Variants in LRRCC1 observed in about 807,000 individuals in gnomAD.
LRRCC1 encodes the protein leucine rich repeat and coiled-coil centrosomal protein 1.
A neutral mutation model predicts 126.0 loss-of-function variants in LRRCC1; 115 were observed. The observed-to-expected ratio is 0.91, with a 90% CI of 0.78 to 1.07. The LOEUF is 1.07. Among genes scored for constraint, LRRCC1 ranks in the 50% least tolerant of loss-of-function variants. The probability of loss-of-function intolerance (pLI) is 0.00; values close to 1 mark genes in which losing one functional copy is unlikely to be tolerated. For missense variants in LRRCC1, 1,172 were observed against 1,175.7 expected, an observed-to-expected ratio of 1.00 and a Z score of 0.05; for synonymous variants, 400 against 393.4, an observed-to-expected ratio of 1.02 and a Z score of -0.20.
Position 85,123,443 on chromosome 8 carries a change from A to G in LRRCC1, c.961A>G (p.Lys321Glu), listed in dbSNP as rs1387626982. ...TAATTCAATAGATAACGTTCTTGAG[A>G]AAGACCCCAGACCAAAAAGAGACAC... ...TSNSIDNVLE[K>E]DPRPKRDTDI... is the part of the protein sequence containing the mutation. The change falls in exon 7 of 19, where the codon AAA becomes GAA. Residue 321 changes from lysine to glutamate, a missense_variant. Transcript: ENST00000360375. 1.9e-6 allele frequency: 3 copies of G among 1,599,792 alleles called. No homozygotes were observed. Among genetic ancestry groups the G allele is most frequent in the African/African-American group, 2.7e-5 (2 of 73,922 alleles).
In LRRCC1 at chr8:85,132,948, C is replaced by A. The variant is rs560461004; in HGVS notation, c.1968+987C>A. 7.2e-5 allele frequency among the ~76,000 whole-genome samples: 11 copies of A among 152,312 alleles called. No individual in the cohort carries two copies. The South Asian group carries it at 2.1e-3, about 29-fold the overall frequency. On this transcript the variant is annotated intron_variant, in intron 12 of 18. Transcript: ENST00000360375. ...ATATTGGATCATTCCCTTCAGCATA[C>A]AAACATGCTGTGATTTCTCTTATCT...
chr8:85,115,810 A>G (rs918335876), intron 6 of LRRCC1, among the ~76,000 whole-genome samples: 2 of 152,186 alleles, frequency 1.3e-5, no homozygotes, highest in South Asian at 2.1e-4. Flanking sequence ...CATCTTCATT[A>G]TGTAATTTCT....
chr8:85,128,407 T>C (rs932244667), intron 9 of LRRCC1, among the ~76,000 whole-genome samples: 5 of 151,410 alleles, frequency 3.3e-5, no homozygotes, highest in African/African-American at 9.7e-5. Context: ...TGATTCTTCT[T>C]TTATCTGTGC....
chr8:85,115,110 A>C lies in LRRCC1; in HGVS notation c.555A>C (p.Ala185=), dbSNP rs1809006728. 6.2e-7 allele frequency: 1 copy of C among 1,600,762 alleles called. No individual in the cohort carries two copies. The highest frequency in any genetic ancestry group is 1.4e-5 in the African/African-American group (1 of 73,684). Residue 185 remains alanine, a synonymous_variant, in exon 5 of 19, where the codon GCA becomes GCC. Coordinates refer to ENST00000360375, the MANE Select transcript of LRRCC1 (RefSeq NM_033402.5). ...NPVCRLPGYR[A]VILQTLPQLR... The stretch of plus-strand genomic sequence containing the variant: ...TGATTTGTTTCCAAGGGTACAGAGC[A>C]GTTATTCTCCAGACTTTGCCACAGC...
chr8:85,144,629 T>C (rs541109318), intron 18 of LRRCC1, among the ~76,000 whole-genome samples: 84 of 147,618 alleles, frequency 5.7e-4, no homozygotes, highest in Middle Eastern at 7.2e-3. Flanking sequence ...CACACCTGGC[T>C]AATTTTGTAT....
At position 85,145,742 on chromosome 8, in the gene LRRCC1, A is replaced by C; in HGVS notation, c.*231A>C. ...AAAAACTATCATAACTAGACTTACAATATTTTTCTTGTTTCTGTACTATAC... is the reference window on the plus strand; with the variant it reads ...AAAAACTATCATAACTAGACTTACACTATTTTTCTTGTTTCTGTACTATAC... On this transcript the variant is annotated 3_prime_UTR_variant, in exon 19 of 19. Transcript: ENST00000360375. 3.8e-6 allele frequency: 1 copy of C among 263,930 alleles called. No individual in the cohort carries two copies. 16.3% of individuals were successfully genotyped at this position (263,930 alleles called of 1,614,324 possible).
intron 17 of LRRCC1, 125 bp downstream of exon 17, chr8:85,138,600 AT>A: frequency 1.0e-6 from 1 of 982,984 alleles, no homozygotes; most frequent in South Asian, 1.8e-5. Context: ...CAAGAAGTTT[AT>A]TTCCATTTCA....
rs767628804 is a variant in LRRCC1, at chr8:85,115,384, A to G, written c.730A>G (p.Arg244Gly). The G allele has an allele frequency of 6.2e-7, 1 of 1,612,524 alleles. No homozygotes were observed. The highest frequency in any genetic ancestry group is 2.2e-5 in the East Asian group (1 of 44,840). Residue 244 changes from arginine (R) to glycine (G), a missense_variant, in exon 6 of 19, where the codon AGA (arginine) becomes GGA (glycine). By Grantham distance (125) the Arg-to-Gly change is moderately radical. Coordinates refer to ENST00000360375, the MANE Select transcript of LRRCC1 (RefSeq NM_033402.5). The part of the protein sequence containing the change: ...LNISEDEIID[R>G]MPVITAPIDE... ...TGTTTCTGTGTCATAGATCATTGAT[A>G]GAATGCCAGTGATAACAGCACCTAT...
In LRRCC1 at chr8:85,138,231, G is replaced by A. The variant is rs1811011093; in HGVS notation, c.2690G>A (p.Arg897Lys). The A allele has an allele frequency of 6.2e-7, 1 of 1,606,478 alleles. No homozygotes were observed. Among genetic ancestry groups the A allele is most frequent in the Non-Finnish European group, 8.5e-7 (1 of 1,177,156 alleles). ...AAGGAAGTAGAACTTGAAGAAATCA[G>A]AAAAGCTTACAGGTATTATATAGTA... ...KGKEVELEEI[R>K]KAYSTLNRKW... Residue 897 changes from arginine (R) to lysine (K), a missense_variant, in exon 16 of 19, where the codon AGA becomes AAA. Coordinates refer to ENST00000360375, the MANE Select transcript of LRRCC1 (RefSeq NM_033402.5).
chr8:85,140,762 TG>T (rs1244131609), intron 17 of LRRCC1, among the ~76,000 whole-genome samples: 1 of 152,148 alleles, frequency 6.6e-6, no homozygotes, highest in Non-Finnish European at 1.5e-5. Flanking sequence ...TCTGTGAAGG[TG>T]CTTATAAACT....
chr8:85,144,440 G>GTATATATATA (rs1280182264), intron 18 of LRRCC1, among the ~76,000 whole-genome samples: 1 of 37,264 alleles, frequency 2.7e-5, no homozygotes, highest in African/African-American at 1.1e-4. Context: ...GTGTGTGTGT[G>GTATATATATA]TGTGTATATA....
In LRRCC1 at chr8:85,126,821, C is replaced by G. The variant is rs746837360; in HGVS notation, c.1405C>G (p.Leu469Val). 2 of 1,609,762 alleles carry G rather than the reference C, an allele frequency of 1.2e-6. No individual in the cohort carries two copies. Among genetic ancestry groups the G allele is most frequent in the Middle Eastern group, 1.7e-4 (1 of 6,042 alleles). ...AAAAGAGGATATTCATAGTCTGGCT[C>G]TACTTACCACAGATAGGTAAAAAGA... ...NEKEDIHSLALLTTDRLKEII... is the reference protein window; with the variant it reads ...NEKEDIHSLAVLTTDRLKEII... Residue 469 changes from leucine to valine, a missense_variant, in exon 9 of 19, where the codon CTA becomes GTA. Leu to Val is a conservative substitution (Grantham distance 32). Coordinates refer to ENST00000360375, the MANE Select transcript of LRRCC1 (RefSeq NM_033402.5).
rs1164065801 is a variant in LRRCC1 at position 85,111,972 on chromosome 8, C to T, written c.377-960C>T. 4.0e-5 allele frequency among the ~76,000 whole-genome samples: 6 copies of T among 151,668 alleles called. No homozygotes were observed. In the South Asian group the frequency reaches 6.3e-4, roughly 16 times the overall value. ...CTGCCTCCTGGGTTCCAGCGATTCTCCTGTCAGCCTCCTGAGTAGCTGGGA... is the reference window on the plus strand; with the variant it reads ...CTGCCTCCTGGGTTCCAGCGATTCTTCTGTCAGCCTCCTGAGTAGCTGGGA... On this transcript the variant is annotated intron_variant, in intron 3 of 18. Transcript: ENST00000360375.
At position 85,110,135 on chromosome 8, in the gene LRRCC1, C is replaced by G; in HGVS notation, c.331C>G (p.Leu111Val). The G allele has an allele frequency of 7.7e-7, 1 of 1,303,960 alleles. No individual in the cohort carries two copies. The highest frequency in any genetic ancestry group is 1.1e-6 in the Non-Finnish European group (1 of 943,530). The allele number at this position is 1,303,960 out of a possible 1,614,324, so 80.8% of individuals were successfully genotyped here. Residue 111 changes from leucine (L) to valine (V), a missense_variant, in exon 3 of 19, where the codon CTG becomes GTG. Leu to Val is a conservative substitution (Grantham distance 32). Transcript: ENST00000360375. ...KVEGLEELINLTRLNVSYNHI... is the reference protein window; with the variant it reads ...KVEGLEELINVTRLNVSYNHI... ...TTTAGGACTTGAAGAACTAATTAATCTGACTAGACTAAATGTATCTTATAA... is the reference window on the plus strand; with the variant it reads ...TTTAGGACTTGAAGAACTAATTAATGTGACTAGACTAAATGTATCTTATAA...
chr8:85,142,464 G>A (rs1018857361), intron 18 of LRRCC1, among the ~76,000 whole-genome samples: 3 of 152,026 alleles, frequency 2.0e-5, no homozygotes, highest in East Asian at 1.9e-4. Flanking sequence ...AGAAACTAAG[G>A]TATCTGTAAA....
At position 85,115,414 on chromosome 8, in the gene LRRCC1, G is replaced by A. The variant is rs1471486290; in HGVS notation, c.760G>A (p.Glu254Lys). ...RMPVITAPID[E>K]LVPLEQFAST... ...GCCAGTGATAACAGCACCTATCGATGAGTTAGTTCCCTTGGAACAGTTTGC... is the reference window on the plus strand; with the variant it reads ...GCCAGTGATAACAGCACCTATCGATAAGTTAGTTCCCTTGGAACAGTTTGC... The change falls in exon 6 of 19, where the codon GAG (glutamate) becomes AAG (lysine). Residue 254 changes from glutamate (E) to lysine (K), a missense_variant. By Grantham distance (56) the Glu-to-Lys change is moderately conservative. Coordinates refer to ENST00000360375, the MANE Select transcript of LRRCC1 (RefSeq NM_033402.5). 6.2e-7 allele frequency: 1 copy of A among 1,613,736 alleles called. No homozygotes were observed. The highest frequency in any genetic ancestry group is 8.5e-7 in the Non-Finnish European group (1 of 1,179,726).
At chr8:85,109,195 A>G (rs981235182) in intron 1 of LRRCC1, 1 of 170,786 alleles carries the variant, frequency 5.9e-6, no homozygotes, top group Non-Finnish European at 1.2e-5. Flanking sequence ...GAGGTAAGAA[A>G]ACTGAGGCTC....
At chr8:85,130,207 C>T (rs1322381617) in intron 11 of LRRCC1, 149 bp downstream of exon 11, 2 of 509,858 alleles carry the variant, frequency 3.9e-6, no homozygotes, top group Non-Finnish European at 6.3e-6. Flanking sequence ...GCAATCTCGG[C>T]TCACTGCAAG....
intron 15 of LRRCC1, 68 bp downstream of exon 15, chr8:85,137,695 C>A: frequency 8.6e-7 from 1 of 1,158,128 alleles, no homozygotes; most frequent in Non-Finnish European, 1.2e-6. Context: ...ATCAAAGTAT[C>A]CAAAAGCTGT....
Sources: gnomAD v4.1 joint callset for allele counts (sites outside exome capture counted in the v4.1 genomes callset) on GRCh38, gnomAD v4.1.1 for gene constraint, MANE v1.5 for transcripts, NCBI Gene and HGNC (gene_info 2026-07-23, HGNC 2026-07-21) for gene names.